The following LRRFIP1 variants were observed in gnomAD, a reference collection of about 807,000 sequenced individuals.
The protein encoded by LRRFIP1 is leucine-rich repeat flightless-interacting protein 1.
LRRFIP1 carries 62 observed loss-of-function variants against 104.4 expected under a neutral mutation model. The ratio of observed to expected loss-of-function variants is 0.59; its 90% CI spans 0.48 to 0.73. The LOEUF is 0.73. Among genes scored for constraint, LRRFIP1 ranks in the 30% least tolerant of loss-of-function variants. LRRFIP1 has a pLI of 0.00. For missense variants in LRRFIP1, 796 were observed against 824.5 expected, an observed-to-expected ratio of 0.97 and a Z score of 0.42; for synonymous variants, 300 against 299.0, an observed-to-expected ratio of 1.00 and a Z score of -0.03.
chr2:237,690,641 G>A (rs11893376), intron 1 of LRRFIP1, among the ~76,000 whole-genome samples: 5,801 of 151,692 alleles, frequency 0.038, 332 homozygotes, highest in African/African-American at 0.13. Flanking sequence ...GGAGGCTGAG[G>A]CAGGAGAATC....
At chr2:237,771,565 CGCCCA>C (rs1247598599) in intron 20 of LRRFIP1, among the ~76,000 whole-genome samples, 1 of 83,874 alleles carries the variant, frequency 1.2e-5, no homozygotes, top group African/African-American at 5.8e-5. Context: ...CCCCCCCCCC[CGCCCA>C]GATACCAAGG....
At chr2:237,683,651 G>T (rs2092073011) in intron 1 of LRRFIP1, among the ~76,000 whole-genome samples, 1 of 152,106 alleles carries the variant, frequency 6.6e-6, no homozygotes, top group Admixed American at 6.5e-5. Flanking sequence ...TTAGAGTGTG[G>T]GTCTATGTTT....
rs926241804 is a variant in LRRFIP1 at position 237,712,390 on chromosome 2, G to A, written c.184-1869G>A. ...AGGACGCTGGCACGCACAGCAAAGG[G>A]GGAAACAGAATGATCCACATAATCC... On this transcript the variant is annotated intron_variant, in intron 2 of 23. Coordinates refer to ENST00000308482, the MANE Select transcript of LRRFIP1 (RefSeq NM_001137550.2). Among the ~76,000 whole-genome samples the A allele has an allele frequency of 3.9e-5, 6 of 152,174 alleles. No homozygotes were observed. In the East Asian group the frequency reaches 1.2e-3, roughly 29 times the overall value.
In LRRFIP1 at chr2:237,751,405, G is replaced by A. The variant is rs187719798; in HGVS notation, c.867+134G>A. 1,536 of 686,178 alleles carry A rather than the reference G, an allele frequency of 2.2e-3. 12 individuals are homozygous for A. Among genetic ancestry groups the A allele is most frequent in the Non-Finnish European group, 1.5e-3 (617 of 410,032 alleles). 42.5% of individuals were successfully genotyped at this position (686,178 alleles called of 1,614,324 possible). On this transcript the variant is annotated intron_variant, in intron 14 of 23. Coordinates refer to ENST00000308482, the MANE Select transcript of LRRFIP1 (RefSeq NM_001137550.2). ...TCCAGGGTGTAGAAGAACTCACAAT[G>A]GCAGGAGTGCCGGCATGGGTGTACA... is the stretch of plus-strand genomic sequence containing the variant.
chr2:237,714,365 A>G, intron 3 of LRRFIP1, 89 bp downstream of exon 3: 1 of 1,001,942 alleles, frequency 1.0e-6, no homozygotes, highest in Admixed American at 2.2e-5. Flanking sequence ...AACACCTTGC[A>G]CTGAAGATAC....
chr2:237,637,150 AT>A (rs1344310124), intron 1 of LRRFIP1, among the ~76,000 whole-genome samples: 2 of 152,372 alleles, frequency 1.3e-5, no homozygotes, highest in East Asian at 3.9e-4. Flanking sequence ...AAACAAAAAA[AT>A]ATGAGATTTT....
At chr2:237,692,220 G>A (rs1404647794) in intron 1 of LRRFIP1, 17 of 1,090,906 alleles carry the variant, frequency 1.6e-5, no homozygotes, top group Non-Finnish European at 1.8e-5. Context: ...TCCACCCCGA[G>A]CCCGACTCAG....
chr2:237,646,375 C>CA (rs1381265423), intron 1 of LRRFIP1, among the ~76,000 whole-genome samples: 1 of 151,974 alleles, frequency 6.6e-6, no homozygotes, highest in East Asian at 1.9e-4. Context: ...TTAAGCCCAG[C>CA]ATCCATTAGC....
chr2:237,642,208 G>T (rs79361743), intron 1 of LRRFIP1, among the ~76,000 whole-genome samples: 1 of 152,354 alleles, frequency 6.6e-6, no homozygotes, highest in Non-Finnish European at 1.5e-5. Context: ...AGGGAATCAT[G>T]CTGGCCAAGG....
intron 1 of LRRFIP1, among the ~76,000 whole-genome samples, chr2:237,646,641 G>A (rs2084958138): frequency 6.6e-6 from 1 of 151,912 alleles, no homozygotes; most frequent in South Asian, 2.1e-4. Flanking sequence ...GGTCATAAGG[G>A]TGGGGCCCTG....
intron 1 of LRRFIP1, among the ~76,000 whole-genome samples, chr2:237,663,971 C>T (rs913822634): frequency 4.6e-5 from 7 of 152,260 alleles, no homozygotes; most frequent in African/African-American, 9.6e-5. Flanking sequence ...GCCCCGGGAA[C>T]CTCAGAAACA....
intron 1 of LRRFIP1, among the ~76,000 whole-genome samples, chr2:237,707,624 C>G (rs1362960015): frequency 6.6e-6 from 1 of 152,164 alleles, no homozygotes; most frequent in Non-Finnish European, 1.5e-5. Flanking sequence ...CTCAGTAACA[C>G]TTATGCCATC....
intron 1 of LRRFIP1, among the ~76,000 whole-genome samples, chr2:237,633,389 C>G (rs1484043398): frequency 6.6e-6 from 1 of 152,180 alleles, no homozygotes; most frequent in Admixed American, 6.5e-5. Context: ...GTGGACAGGC[C>G]TGCTGGTCCC....
chr2:237,744,484 C>T (rs2057541222), intron 11 of LRRFIP1, among the ~76,000 whole-genome samples: 2 of 152,308 alleles, frequency 1.3e-5, no homozygotes, highest in Admixed American at 1.3e-4. Flanking sequence ...GCGTTTTAGC[C>T]TCACCAGGCA....
chr2:237,758,507 A>G lies in LRRFIP1; in HGVS notation c.1225-222A>G, dbSNP rs1000477917. 3.9e-5 allele frequency among the ~76,000 whole-genome samples: 6 copies of G among 152,348 alleles called. No homozygotes were observed. The South Asian group carries it at 8.3e-4, about 21-fold the overall frequency. Reference sequence around the variant, plus strand: ...TGTGTCCGTGTGCTTCAAGATGCGCATGTCTTTCATGGAGTATGAACAGTA... The same window carrying G: ...TGTGTCCGTGTGCTTCAAGATGCGCGTGTCTTTCATGGAGTATGAACAGTA... On this transcript the variant is annotated intron_variant, in intron 17 of 23. Coordinates refer to ENST00000308482, the MANE Select transcript of LRRFIP1 (RefSeq NM_001137550.2).
intron 1 of LRRFIP1, among the ~76,000 whole-genome samples, chr2:237,653,271 CA>C (rs951217728): frequency 6.6e-6 from 1 of 151,800 alleles, no homozygotes; most frequent in Non-Finnish European, 1.5e-5. Context: ...ACAATAGCTA[CA>C]AAAAAAGCAC....
At chr2:237,692,430 G>C in intron 1 of LRRFIP1, 2 of 1,497,424 alleles carry the variant, frequency 1.3e-6, no homozygotes, top group Non-Finnish European at 1.8e-6. Flanking sequence ...ATTTCCCGCC[G>C]GGTGGAGCGG....
chr2:237,693,180 C>T lies in LRRFIP1; in HGVS notation c.97-15364C>T, dbSNP rs541191148. ...TTTGCAAATACACATTTTCATGCAG[C>T]TTGTGGTTGAACATGAATGGGAATA... is the stretch of plus-strand genomic sequence containing the variant. On this transcript the variant is annotated intron_variant, in intron 1 of 23. Coordinates refer to ENST00000308482, the MANE Select transcript of LRRFIP1 (RefSeq NM_001137550.2). Among the ~76,000 whole-genome samples the T allele has an allele frequency of 2.0e-5, 3 of 152,324 alleles. No individual in the cohort carries two copies. In the East Asian group the frequency reaches 5.8e-4, roughly 29 times the overall value.
At position 237,780,772 on chromosome 2, in the gene LRRFIP1, G is replaced by A. The variant is rs1179609165; in HGVS notation, c.*1240G>A. 1.3e-5 allele frequency among the ~76,000 whole-genome samples: 2 copies of A among 152,150 alleles called. No homozygotes were observed. Among genetic ancestry groups the A allele is most frequent in the African/African-American group, 4.8e-5 (2 of 41,430 alleles). ...CAGCATAATGCTAGGGGTCACCAGTGTCCATCCCCCAGAACTGTATGGATC... is the reference window on the plus strand; with the variant it reads ...CAGCATAATGCTAGGGGTCACCAGTATCCATCCCCCAGAACTGTATGGATC... On this transcript the variant is annotated 3_prime_UTR_variant, in exon 24 of 24. Transcript: ENST00000308482.
Sources: gnomAD v4.1 joint callset for allele counts (sites outside exome capture counted in the v4.1 genomes callset) on GRCh38, gnomAD v4.1.1 for gene constraint, MANE v1.5 for transcripts, NCBI Gene and HGNC (gene_info 2026-07-23, HGNC 2026-07-21) for gene names.